Variants in CSMD1 observed in about 807,000 individuals in gnomAD.
CSMD1 encodes the protein CUB and Sushi multiple domains 1.
A neutral mutation model predicts 417.5 loss-of-function variants in CSMD1; 213 were observed. The observed-to-expected ratio is 0.51, with a 90% confidence interval of 0.46 to 0.57. The LOEUF is 0.57. CSMD1 is among the 20% of genes least tolerant of loss of function. The pLI, the probability that CSMD1 is intolerant of heterozygous loss-of-function variation, is 0.00. For missense variants in CSMD1, 6,923 were observed against 4,529.7 expected (o/e 1.53, Z -15.17); for synonymous variants, 2,862 against 1,736.8 (o/e 1.65, Z -16.11).
intron 2 of CSMD1, among the ~76,000 whole-genome samples, chr8:4,451,746 C>G (rs543792303): frequency 3.3e-5 from 5 of 152,036 alleles, no homozygotes; most frequent in South Asian, 2.1e-4. Flanking sequence ...AACAAGGCAT[C>G]GAATGATACA....
chr8:4,833,070 T>A (rs1197605912), intron 1 of CSMD1, among the ~76,000 whole-genome samples: 5 of 152,202 alleles, frequency 3.3e-5, no homozygotes, highest in Non-Finnish European at 5.9e-5. Context: ...ATATACCACT[T>A]GCCAATTCTA....
intron 1 of CSMD1, among the ~76,000 whole-genome samples, chr8:4,966,808 T>C (rs1444258882): frequency 6.6e-6 from 1 of 152,202 alleles, no homozygotes; most frequent in Non-Finnish European, 1.5e-5. Flanking sequence ...ATCCAAAGAA[T>C]TTATTGCATG....
intron 2 of CSMD1, among the ~76,000 whole-genome samples, chr8:4,607,751 C>A (rs371117431): frequency 6.6e-6 from 1 of 152,170 alleles, no homozygotes; most frequent in Non-Finnish European, 1.5e-5. Context: ...AGCCTCAAAC[C>A]GCTTGAGAGT....
At chr8:4,746,988 A>T (rs1810999688) in intron 1 of CSMD1, among the ~76,000 whole-genome samples, 1 of 152,184 alleles carries the variant, frequency 6.6e-6, no homozygotes, top group African/African-American at 2.4e-5. Flanking sequence ...ATAATTTCTC[A>T]AGCAGGGAAC....
intron 1 of CSMD1, among the ~76,000 whole-genome samples, chr8:4,969,120 C>T (rs566029175): frequency 2.0e-4 from 30 of 152,208 alleles, no homozygotes; most frequent in Middle Eastern, 3.4e-3. Flanking sequence ...ATTTGCAGGA[C>T]GAATGGATAT....
At chr8:3,090,242 G>A (rs1003405922) in intron 48 of CSMD1, among the ~76,000 whole-genome samples, 3 of 150,788 alleles carry the variant, frequency 2.0e-5, no homozygotes, top group African/African-American at 4.9e-5. Flanking sequence ...GCCTGAACCC[G>A]GGAGGCGGAG....
intron 1 of CSMD1, among the ~76,000 whole-genome samples, chr8:4,680,068 C>T (rs1051742996): frequency 2.0e-5 from 3 of 152,128 alleles, no homozygotes; most frequent in East Asian, 3.9e-4. Flanking sequence ...AACAATATGA[C>T]ATTAACATGA....
chr8:4,988,900 A>C (rs73499410), intron 1 of CSMD1, among the ~76,000 whole-genome samples: 2,388 of 152,312 alleles, frequency 0.016, 63 homozygotes, highest in African/African-American at 0.055. Context: ...TCAATTATAC[A>C]ATGTCCTTCT....
intron 3 of CSMD1, among the ~76,000 whole-genome samples, chr8:4,126,983 C>T (rs1170192041): frequency 1.3e-5 from 2 of 152,122 alleles, no homozygotes; most frequent in African/African-American, 4.8e-5. Context: ...GATGCTGGTG[C>T]ACATTCGAGT....
intron 11 of CSMD1, among the ~76,000 whole-genome samples, chr8:3,481,154 CAAAA>C (rs1221192557): frequency 1.4e-5 from 1 of 69,444 alleles, no homozygotes; most frequent in Non-Finnish European, 2.7e-5. Context: ...GACTCCATCT[CAAAA>C]AAAAAAAAAA....
At chr8:3,801,355 A>T (rs1800449230) in intron 5 of CSMD1, among the ~76,000 whole-genome samples, 1 of 152,162 alleles carries the variant, frequency 6.6e-6, no homozygotes, top group Non-Finnish European at 1.5e-5. Flanking sequence ...AAGCCCATGA[A>T]AAGATGCTAA....
rs1563316694 is a variant in CSMD1 at position 4,236,049 on chromosome 8, T to TTTG, written c.415+183903_415+183904insCAA. 5.5e-4 allele frequency among the ~76,000 whole-genome samples: 40 copies of TTTG among 73,046 alleles called. 1 individual carries two copies. The highest frequency in any genetic ancestry group is 8.4e-4 in the Non-Finnish European group (29 of 34,570). 47.9% of individuals were successfully genotyped at this position (73,046 alleles called of 152,430 possible). ...TTGTTTTTTTTGTTTGTTTTTTTTTTTTTTTTTTTTTTTTTTTTTTGTAAT... is the reference window on the plus strand; with the variant it reads ...TTGTTTTTTTTGTTTGTTTTTTTTTTTTGTTTTTTTTTTTTTTTTTTTTGTAAT... On this transcript the variant is annotated intron_variant, in intron 3 of 69. Coordinates refer to ENST00000635120, the MANE Select transcript of CSMD1 (RefSeq NM_033225.6).
At chr8:4,561,809 A>G (rs1008267516) in intron 2 of CSMD1, among the ~76,000 whole-genome samples, 2 of 152,204 alleles carry the variant, frequency 1.3e-5, no homozygotes, top group African/African-American at 4.8e-5. Flanking sequence ...GAGGTTATGA[A>G]CATACCTGTT....
intron 3 of CSMD1, among the ~76,000 whole-genome samples, chr8:4,112,435 G>A (rs1309739517): frequency 1.3e-5 from 2 of 152,186 alleles, no homozygotes; most frequent in Non-Finnish European, 2.9e-5. Context: ...AAGTAAAAGA[G>A]GATGTGTTCC....
intron 3 of CSMD1, among the ~76,000 whole-genome samples, chr8:4,181,395 G>C (rs540314582): frequency 2.0e-5 from 3 of 151,074 alleles, no homozygotes; most frequent in Non-Finnish European, 4.4e-5. Context: ...TAAACTATAA[G>C]GCAGGGTTCT....
chr8:3,676,404 T>A (rs1203453368), intron 7 of CSMD1, among the ~76,000 whole-genome samples: 1 of 152,188 alleles, frequency 6.6e-6, no homozygotes, highest in African/African-American at 2.4e-5. Flanking sequence ...CCAAGCACCA[T>A]GCTGGACACG....
chr8:3,218,827 G>A (rs1178239311), intron 29 of CSMD1, among the ~76,000 whole-genome samples: 3 of 151,862 alleles, frequency 2.0e-5, no homozygotes, highest in South Asian at 2.1e-4. Flanking sequence ...AGCTGACATC[G>A]TGCCATTGCC....
At chr8:3,354,787 T>TA (rs1255282124) in intron 21 of CSMD1, among the ~76,000 whole-genome samples, 67 of 113,614 alleles carry the variant, frequency 5.9e-4, no homozygotes, top group Non-Finnish European at 9.7e-4. Flanking sequence ...GTGATATATA[T>TA]ATATCACTAA....
intron 65 of CSMD1, 32 bp downstream of exon 65, chr8:2,954,192 A>C (rs1453113844): frequency 1.5e-6 from 2 of 1,323,622 alleles, no homozygotes. Context: ...ACTTTATTGG[A>C]TTGAAATCTA....
Sources: gnomAD v4.1 joint callset for allele counts (sites outside exome capture counted in the v4.1 genomes callset) on GRCh38, gnomAD v4.1.1 for gene constraint, MANE v1.5 for transcripts, NCBI Gene and HGNC (gene_info 2026-07-23, HGNC 2026-07-21) for gene names.